The following COL12A1 variants were observed in gnomAD, a reference collection of about 807,000 sequenced individuals.
COL12A1 encodes the protein collagen alpha-1(XII) chain.
COL12A1 carries 114 observed loss-of-function variants against 349.7 expected under a neutral mutation model. The ratio of observed to expected loss-of-function variants is 0.33; its 90% CI spans 0.28 to 0.38. COL12A1 has a LOEUF of 0.38. Ranked by LOEUF, COL12A1 falls within the 10% of genes least tolerant of loss-of-function variation. The pLI is 1.00. For missense variants in COL12A1, 3,284 were observed against 3,756.9 expected, an observed-to-expected ratio of 0.87 and a Z score of 3.29; for synonymous variants, 1,369 against 1,329.0, an observed-to-expected ratio of 1.03 and a Z score of -0.66.
At chr6:75,199,150 G>T (rs1257966889) in intron 2 of COL12A1, among the ~76,000 whole-genome samples, 5 of 152,138 alleles carry the variant, frequency 3.3e-5, no homozygotes, top group African/African-American at 9.7e-5. Context: ...TCAACCAGTT[G>T]TCAAGCACAA....
At chr6:75,190,613 T>C (rs1397136036) in intron 5 of COL12A1, among the ~76,000 whole-genome samples, 3 of 151,928 alleles carry the variant, frequency 2.0e-5, no homozygotes, top group African/African-American at 7.2e-5. Flanking sequence ...CTTCTCTCTA[T>C]GGTGGAGGTC....
intron 21 of COL12A1, among the ~76,000 whole-genome samples, chr6:75,148,936 T>C (rs770521635): frequency 6.6e-6 from 1 of 152,144 alleles, no homozygotes; most frequent in Non-Finnish European, 1.5e-5. Flanking sequence ...ACTCTAGTGG[T>C]AGTAAATGTC....
Position 75,115,831 on chromosome 6 carries a change from G to A in COL12A1, c.7650C>T (p.Tyr2550=). The A allele has an allele frequency of 6.2e-7, 1 of 1,613,570 alleles. No homozygotes were observed. Among genetic ancestry groups the A allele is most frequent in the Non-Finnish European group, 8.5e-7 (1 of 1,179,642 alleles). Reference sequence around the variant, plus strand: ...CATTCTTCTGAATCCTGTATGCTGAGTAGCTGGGGAAAGACCCTGACTCCA... The same window carrying A: ...CATTCTTCTGAATCCTGTATGCTGAATAGCTGGGGAAAGACCCTGACTCCA... ...VSLESGSFPS[Y]SAYRIQKNAF... is the part of the protein sequence containing the mutation. The change falls in exon 49 of 66, where the codon TAC becomes TAT. Residue 2550 remains tyrosine, a synonymous_variant. Transcript: ENST00000322507.
At chr6:75,146,316 C>T in intron 23 of COL12A1, 72 bp from the exon 24 acceptor site, 1 of 1,444,472 alleles carries the variant, frequency 6.9e-7, no homozygotes, top group Non-Finnish European at 9.2e-7. Flanking sequence ...TTGTTTTGTA[C>T]TCAATTATTG....
chr6:75,160,800 T>C (rs1767990127), intron 14 of COL12A1, among the ~76,000 whole-genome samples: 1 of 152,102 alleles, frequency 6.6e-6, no homozygotes, highest in African/African-American at 2.4e-5. Flanking sequence ...ACAACTGACA[T>C]AAAGAAACCA....
chr6:75,135,092 C>G (rs758022459), intron 31 of COL12A1, among the ~76,000 whole-genome samples: 1 of 151,998 alleles, frequency 6.6e-6, no homozygotes, highest in Non-Finnish European at 1.5e-5. Flanking sequence ...GATATTTCAA[C>G]TTGCTAGCCG....
Position 75,174,259 on chromosome 6 carries a change from T to A in COL12A1, c.2710+779A>T, listed in dbSNP as rs183973929. Among the ~76,000 whole-genome samples, 9 of 152,230 alleles carry A rather than the reference T, an allele frequency of 5.9e-5. No individual in the cohort carries two copies. The East Asian group carries it at 1.7e-3, about 29-fold the overall frequency. ...TTTCAGAAATCACTTAGAAAACAAATAGAAACTTGGATTCTTGGCCAGGCG... is the reference window on the plus strand; with the variant it reads ...TTTCAGAAATCACTTAGAAAACAAAAAGAAACTTGGATTCTTGGCCAGGCG... On this transcript the variant is annotated intron_variant, in intron 13 of 65. Coordinates refer to ENST00000322507, the MANE Select transcript of COL12A1 (RefSeq NM_004370.6).
chr6:75,177,379 G>C (rs1769016935), intron 12 of COL12A1, among the ~76,000 whole-genome samples: 1 of 152,096 alleles, frequency 6.6e-6, no homozygotes, highest in African/African-American at 2.4e-5. Flanking sequence ...AGAGGGTGCA[G>C]TGAGCCGAGC....
At chr6:75,185,286 A>C (rs1176235339) in intron 8 of COL12A1, among the ~76,000 whole-genome samples, 1 of 152,218 alleles carries the variant, frequency 6.6e-6, no homozygotes, top group African/African-American at 2.4e-5. Flanking sequence ...AGGATATAAA[A>C]TCAATGTGCA....
chr6:75,135,516 A>G (rs990093424), intron 31 of COL12A1, among the ~76,000 whole-genome samples: 1 of 152,230 alleles, frequency 6.6e-6, no homozygotes, highest in African/African-American at 2.4e-5. Flanking sequence ...ACTTAAGGCC[A>G]TCTAGCTATC....
chr6:75,172,430 A>G (rs1768684544), intron 13 of COL12A1, among the ~76,000 whole-genome samples: 1 of 152,224 alleles, frequency 6.6e-6, no homozygotes, highest in African/African-American at 2.4e-5. Context: ...GCACAACCAG[A>G]AGAAAAACTA....
At chr6:75,125,033 C>T (rs2149375227) in intron 40 of COL12A1, 94 bp downstream of exon 40, 1 of 1,240,454 alleles carries the variant, frequency 8.1e-7, no homozygotes, top group Non-Finnish European at 1.1e-6. Flanking sequence ...GCTGAGGAAA[C>T]ATGTATATGT....
intron 31 of COL12A1, among the ~76,000 whole-genome samples, chr6:75,135,304 G>A (rs1766540415): frequency 1.3e-5 from 2 of 152,148 alleles, no homozygotes; most frequent in African/African-American, 4.8e-5. Context: ...ACATTAAAAT[G>A]ATTCAGCATA....
At chr6:75,197,205 T>A (rs1299038578) in intron 2 of COL12A1, among the ~76,000 whole-genome samples, 1 of 152,178 alleles carries the variant, frequency 6.6e-6, no homozygotes, top group Non-Finnish European at 1.5e-5. Context: ...TTATTAATTT[T>A]AAAAATATTT....
Position 75,188,403 on chromosome 6 carries a change from C to G in COL12A1, c.956G>C (p.Gly319Ala). 6.2e-7 allele frequency: 1 copy of G among 1,613,546 alleles called. No homozygotes were observed. Among genetic ancestry groups the G allele is most frequent in the African/African-American group, 1.3e-5 (1 of 75,012 alleles). The part of the protein sequence containing the change: ...QNEIISQVCS[G>A]VDEQLGELVS... The stretch of plus-strand genomic sequence containing the variant: ...CAATTCACCAAGTTGTTCATCAACA[C>G]CTGAGCACACCTGGGAGATGATCTC... Residue 319 changes from glycine to alanine, a missense_variant, in exon 8 of 66, where the codon GGT (glycine) becomes GCT (alanine). Coordinates refer to ENST00000322507, the MANE Select transcript of COL12A1 (RefSeq NM_004370.6).
chr6:75,102,578 AGAAAG>A lies in COL12A1; in HGVS notation c.8415+14_8415+18del. The A allele has an allele frequency of 1.3e-6, 2 of 1,484,954 alleles. No individual in the cohort carries two copies. The highest frequency in any genetic ancestry group is 2.5e-5 in the Admixed American group (1 of 39,784). The allele number at this position is 1,484,954 out of a possible 1,614,324, so 92.0% of individuals were successfully genotyped here. A position where few individuals can be genotyped will look rare whatever the true frequency, so the allele number is the denominator to read the frequency against. On this transcript the variant is annotated intron_variant, in intron 56 of 65. Coordinates refer to ENST00000322507, the MANE Select transcript of COL12A1 (RefSeq NM_004370.6). ...TTTATCCACCACTCTCATTTAATACAGAAAGGCTTTGTGCTTACTTGCTCTCCCGG... is the reference window on the plus strand; with the variant it reads ...TTTATCCACCACTCTCATTTAATACAGCTTTGTGCTTACTTGCTCTCCCGG...
At position 75,171,216 on chromosome 6, in the gene COL12A1, GA is replaced by G. The variant is rs1210411310; in HGVS notation, c.2710+3821del. On this transcript the variant is annotated intron_variant, in intron 13 of 65. Transcript: ENST00000322507. ...TCTAACTGCTCTAACAACAACAGGGGAAAAAAACAATGTAAATCAAACCTAA... is the reference window on the plus strand; with the variant it reads ...TCTAACTGCTCTAACAACAACAGGGGAAAAAACAATGTAAATCAAACCTAA... Among the ~76,000 whole-genome samples, 4 of 151,992 alleles carry G rather than the reference GA, an allele frequency of 2.6e-5. No homozygotes were observed. In the East Asian group the frequency reaches 5.8e-4, roughly 22 times the overall value.
intron 43 of COL12A1, 107 bp from the exon 44 acceptor site, chr6:75,121,548 G>A (rs1562158419): frequency 7.7e-7 from 1 of 1,297,950 alleles, no homozygotes; most frequent in East Asian, 2.5e-5. Flanking sequence ...GCAAAGTGTG[G>A]TTCTGCAGCA....
intron 11 of COL12A1, among the ~76,000 whole-genome samples, chr6:75,179,046 A>G (rs562190712): frequency 6.6e-6 from 1 of 152,296 alleles, no homozygotes; most frequent in East Asian, 1.9e-4. Context: ...GCAAAACATG[A>G]CTATTTATAG....
Sources: allele counts gnomAD v4.1 joint callset (sites outside exome capture counted in the v4.1 genomes callset), GRCh38; gene constraint gnomAD v4.1.1; transcripts MANE v1.5; gene names NCBI Gene and HGNC (gene_info 2026-07-23, HGNC 2026-07-21).